Variants in ZNF74 observed in about 807,000 individuals in gnomAD.
ZNF74 encodes the protein zinc finger protein 74, also known as zinc finger protein 520.
In ZNF74, 12 loss-of-function variants were observed where a neutral mutation model predicts 17.7. That is an observed-to-expected ratio of 0.68 (90% confidence interval 0.43 to 1.10). The LOEUF (loss-of-function observed/expected upper bound fraction) is 1.10. Ranked by LOEUF, ZNF74 falls within the 50% of genes least tolerant of loss-of-function variation. The pLI is 0.00. For missense variants in ZNF74, 811 were observed against 881.0 expected (o/e 0.92, Z 1.01); for synonymous variants, 358 against 362.1 (o/e 0.99, Z 0.13).
At chr22:20,400,953 T>C in intron 3 of ZNF74, 195 bp downstream of exon 3, 1 of 640,274 alleles carries the variant, frequency 1.6e-6, no homozygotes, top group Non-Finnish European at 2.7e-6. Context: ...GCGTGGGAGC[T>C]GGTAGCATCC....
chr22:20,404,653 C>T (rs1468765571), intron 4 of ZNF74, among the ~76,000 whole-genome samples: 1 of 152,128 alleles, frequency 6.6e-6, no homozygotes, highest in Non-Finnish European at 1.5e-5. Flanking sequence ...GAAGTTACAT[C>T]TTGGACTCGA....
chr22:20,398,181 T>C (rs2052316533), intron 2 of ZNF74, among the ~76,000 whole-genome samples: 2 of 151,904 alleles, frequency 1.3e-5, no homozygotes, highest in Non-Finnish European at 2.9e-5. Flanking sequence ...TAGCTGGGCG[T>C]TAGTTCTCGC....
rs374650149 is a variant in ZNF74 at position 20,405,915 on chromosome 22, C to T, written c.882C>T (p.His294=). The T allele has an allele frequency of 2.9e-5, 46 of 1,613,442 alleles. No individual in the cohort carries two copies. The highest frequency in any genetic ancestry group is 3.3e-4 in the Middle Eastern group (2 of 6,084). ...CCTGGAGCACCAACCTTCTGGAGCA[C>T]CGGCGCATCCACACCGGCGAGAAGC... The part of the protein sequence containing the change: ...AFTWSTNLLE[H]RRIHTGEKPF... The change falls in exon 5 of 5, where the codon CAC becomes CAT. Residue 294 remains histidine (H), a synonymous_variant. Transcript: ENST00000400451.
At chr22:20,395,219 C>G (rs755971492) in intron 1 of ZNF74, 114 bp from the exon 2 acceptor site, 1 of 715,028 alleles carries the variant, frequency 1.4e-6, no homozygotes, top group African/African-American at 1.8e-5. Flanking sequence ...CCCCACCTGG[C>G]CTTGCTGGCA....
intron 4 of ZNF74, among the ~76,000 whole-genome samples, chr22:20,402,027 C>G (rs1371050751): frequency 6.6e-6 from 1 of 152,166 alleles, no homozygotes; most frequent in African/African-American, 2.4e-5. Context: ...CTCCAACATT[C>G]TTTTTGTAGA....
intron 4 of ZNF74, among the ~76,000 whole-genome samples, chr22:20,404,895 G>C (rs1465596414): frequency 1.3e-5 from 2 of 152,158 alleles, no homozygotes; most frequent in African/African-American, 2.4e-5. Flanking sequence ...AGCCGAGATC[G>C]CGCCACTGCA....
Position 20,407,459 on chromosome 22 carries a change from AG to A in ZNF74, c.*493del, listed in dbSNP as rs1310368277. The A allele has an allele frequency of 6.1e-6, 1 of 164,432 alleles. No individual in the cohort carries two copies. Among genetic ancestry groups the A allele is most frequent in the African/African-American group, 2.4e-5 (1 of 41,488 alleles). The allele number at this position is 164,432 out of a possible 1,614,324, so 10.2% of individuals were successfully genotyped here. On this transcript the variant is annotated 3_prime_UTR_variant, in exon 5 of 5. Coordinates refer to ENST00000400451, the MANE Select transcript of ZNF74 (RefSeq NM_003426.4). Reference sequence around the variant, plus strand: ...GTGGTCCCAGCTACTCAGGAGGCTGAGGTGGGAGGATCATTTGAGCCTAGGA... The same window carrying A: ...GTGGTCCCAGCTACTCAGGAGGCTGAGTGGGAGGATCATTTGAGCCTAGGA...
Position 20,407,402 on chromosome 22 carries a change from C to A in ZNF74, c.*434C>A. ...TGAGACCTCGTCTCTACAAAAAATG[C>A]AAAAATTAGCCAGATGTGGCGGCAT... On this transcript the variant is annotated 3_prime_UTR_variant, in exon 5 of 5. Coordinates refer to ENST00000400451, the MANE Select transcript of ZNF74 (RefSeq NM_003426.4). The A allele has an allele frequency of 5.9e-6, 1 of 170,394 alleles. No individual in the cohort carries two copies. Among genetic ancestry groups the A allele is most frequent in the Non-Finnish European group, 1.3e-5 (1 of 79,104 alleles). The allele number at this position is 170,394 out of a possible 1,614,324, so 10.6% of individuals were successfully genotyped here.
In ZNF74 at chr22:20,394,220, G is replaced by T; in HGVS notation, c.-409G>T. 2 of 696,256 alleles carry T rather than the reference G, an allele frequency of 2.9e-6. No homozygotes were observed. Among genetic ancestry groups the T allele is most frequent in the Non-Finnish European group, 5.3e-6 (2 of 378,172 alleles). The allele number at this position is 696,256 out of a possible 1,614,324, so 43.1% of individuals were successfully genotyped here. On this transcript the variant is annotated 5_prime_UTR_variant, in exon 1 of 5. Coordinates refer to ENST00000400451, the MANE Select transcript of ZNF74 (RefSeq NM_003426.4). ...TGGGAGTCCGGTCTGTCCACTTGCCGGTCCCTCAGACCGTCGGCGGTCTCT... is the reference window on the plus strand; with the variant it reads ...TGGGAGTCCGGTCTGTCCACTTGCCTGTCCCTCAGACCGTCGGCGGTCTCT...
Position 20,394,497 on chromosome 22 carries a change from C to A in ZNF74, c.-132C>A. 2.2e-6 allele frequency: 2 copies of A among 912,154 alleles called. No homozygotes were observed. Among genetic ancestry groups the A allele is most frequent in the Non-Finnish European group, 3.4e-6 (2 of 582,208 alleles). The allele number at this position is 912,154 out of a possible 1,614,324, so 56.5% of individuals were successfully genotyped here. A position where few individuals can be genotyped will look rare whatever the true frequency, so the allele number is the denominator to read the frequency against. ...GTGCGTGTGATCGTGCAGCTGTGAG[C>A]GCGTGGCCGCCCCGCGGGGCTCCGC... On this transcript the variant is annotated 5_prime_UTR_variant, in exon 1 of 5. Coordinates refer to ENST00000400451, the MANE Select transcript of ZNF74 (RefSeq NM_003426.4).
chr22:20,396,275 C>T (rs1345658488), intron 2 of ZNF74, among the ~76,000 whole-genome samples: 8 of 151,902 alleles, frequency 5.3e-5, no homozygotes, highest in African/African-American at 1.7e-4. Flanking sequence ...TGAGCTGTGC[C>T]TCACTTCTGT....
At position 20,400,715 on chromosome 22, in the gene ZNF74, C is replaced by T. The variant is rs747013281; in HGVS notation, c.204C>T (p.Tyr68=). The stretch of plus-strand genomic sequence containing the variant: ...TAGACTCCCCTCAGAGGGCCTTGTA[C>T]CGGGATGTGATGTTGGAGAACTACC... The part of the protein sequence containing the change: ...GQLDSPQRAL[Y]RDVMLENYQN... The change falls in exon 3 of 5, where the codon TAC becomes TAT. Residue 68 remains tyrosine, a synonymous_variant. Coordinates refer to ENST00000400451, the MANE Select transcript of ZNF74 (RefSeq NM_003426.4). The T allele has an allele frequency of 2.5e-6, 4 of 1,614,110 alleles. No individual in the cohort carries two copies. The highest frequency in any genetic ancestry group is 1.7e-6 in the Non-Finnish European group (2 of 1,179,998).
chr22:20,394,761 C>CTTTTTT, intron 1 of ZNF74, 99 bp downstream of exon 1: 2 of 910,086 alleles, frequency 2.2e-6, no homozygotes, highest in Non-Finnish European at 3.3e-6. Context: ...CATCCAGCAT[C>CTTTTTT]TTTTTTTTTT....
At chr22:20,399,851 A>C (rs922783700) in intron 2 of ZNF74, 2 of 158,270 alleles carry the variant, frequency 1.3e-5, no homozygotes, top group Non-Finnish European at 2.8e-5. Flanking sequence ...ATATACTCTT[A>C]ATTCCTCTGA....
chr22:20,407,734 G>C lies in ZNF74; in HGVS notation c.*766G>C, dbSNP rs1051201395. On this transcript the variant is annotated 3_prime_UTR_variant, in exon 5 of 5. Transcript: ENST00000400451. ...GCTAGAGAGGAGAATAATCTTGGGT[G>C]GTGGGCATTTGGAAAAAGTGAATTT... 5 of 152,190 alleles carry C rather than the reference G, an allele frequency of 3.3e-5. No individual in the cohort carries two copies. Among genetic ancestry groups the C allele is most frequent in the African/African-American group, 1.2e-4 (5 of 41,440 alleles). 9.4% of individuals were successfully genotyped at this position (152,190 alleles called of 1,614,324 possible).
At chr22:20,399,130 A>G (rs1250495735) in intron 2 of ZNF74, among the ~76,000 whole-genome samples, 2 of 152,214 alleles carry the variant, frequency 1.3e-5, no homozygotes, top group Non-Finnish European at 2.9e-5. Context: ...CCTTGAAAAA[A>G]TATGTATTAT....
chr22:20,397,021 C>T (rs2146090137), intron 2 of ZNF74, among the ~76,000 whole-genome samples: 1 of 152,264 alleles, frequency 6.6e-6, no homozygotes, highest in South Asian at 2.1e-4. Flanking sequence ...CTGACAGCCT[C>T]ACTGGCCAAC....
intron 2 of ZNF74, 157 bp from the exon 3 acceptor site, chr22:20,400,475 A>C: frequency 1.3e-6 from 1 of 794,668 alleles, no homozygotes; most frequent in Non-Finnish European, 2.1e-6. Flanking sequence ...TGGTCCCCGA[A>C]TTCAGTCATG....
intron 4 of ZNF74, among the ~76,000 whole-genome samples, chr22:20,402,516 A>T (rs1026129392): frequency 4.6e-5 from 7 of 152,056 alleles, no homozygotes; most frequent in Non-Finnish European, 1.0e-4. Context: ...CTAAAGCTAC[A>T]TGTGGCCAGG....
Sources: allele counts gnomAD v4.1 joint callset (sites outside exome capture counted in the v4.1 genomes callset), GRCh38; gene constraint gnomAD v4.1.1; transcripts MANE v1.5; gene names NCBI Gene and HGNC (gene_info 2026-07-23, HGNC 2026-07-21).